TRMT11: variants seen among roughly 807,000 people sequenced by gnomAD.
TRMT11 encodes tRNA methyltransferase 11.
TRMT11 carries 53 observed loss-of-function variants against 62.8 expected under a neutral mutation model. The ratio of observed to expected loss-of-function variants is 0.84; its 90% CI spans 0.68 to 1.06. The LOEUF (loss-of-function observed/expected upper bound fraction) is 1.06, where lower values mean the gene tolerates loss of function less well. TRMT11 is among the 50% of genes least tolerant of loss of function. The pLI is 0.00. For missense variants in TRMT11, 556 were observed against 553.4 expected (o/e 1.00, Z -0.05); for synonymous variants, 188 against 190.3 (o/e 0.99, Z 0.10).
chr6:126,162,988 A>G (rs112625664), intron 21 of TRMT11, among the ~76,000 whole-genome samples: 7,615 of 152,256 alleles, frequency 0.05, 644 homozygotes, highest in African/African-American at 0.17. Flanking sequence ...TGAATATACA[A>G]TCATGTTATC....
At chr6:126,102,958 A>G (rs1353709663) in intron 17 of TRMT11, among the ~76,000 whole-genome samples, 1 of 152,190 alleles carries the variant, frequency 6.6e-6, no homozygotes, top group African/African-American at 2.4e-5. Flanking sequence ...GTCTTATATA[A>G]TTGTTCATCC....
the TRMT11 span, among the ~76,000 whole-genome samples, chr6:126,219,054 G>C: frequency 6.6e-6 from 1 of 152,162 alleles, no homozygotes; most frequent in South Asian, 2.1e-4. Context: ...GATTCTCCGT[G>C]CCATGTGGCC....
intron 21 of TRMT11, among the ~76,000 whole-genome samples, chr6:126,124,075 A>G (rs1196483579): frequency 1.3e-5 from 2 of 151,808 alleles, no homozygotes; most frequent in African/African-American, 4.8e-5. Context: ...ATTGTGGCTC[A>G]TGCATTTTTT....
the TRMT11 span, among the ~76,000 whole-genome samples, chr6:126,269,781 A>G: frequency 7.9e-5 from 12 of 152,222 alleles, no homozygotes; most frequent in Non-Finnish European, 1.3e-4. Context: ...TTTTAAGAGA[A>G]AAAACCAAAG....
intron 1 of TRMT11, chr6:125,987,183 A>AT (rs1789790253): frequency 6.6e-6 from 1 of 152,546 alleles, no homozygotes; most frequent in South Asian, 2.1e-4. Context: ...TAGGCGTAGA[A>AT]TGACAAAAGA....
intron 17 of TRMT11, among the ~76,000 whole-genome samples, chr6:126,084,010 G>T (rs1777187730): frequency 6.6e-6 from 1 of 152,158 alleles, no homozygotes; most frequent in African/African-American, 2.4e-5. Flanking sequence ...TACTTAGGTT[G>T]TTTCCATATC....
downstream of TRMT11, among the ~76,000 whole-genome samples, chr6:126,043,351 A>G (rs1302564352): frequency 4.0e-5 from 6 of 150,266 alleles, no homozygotes; most frequent in African/African-American, 9.8e-5. Flanking sequence ...ATGATTTCCA[A>G]TTTCATCCAT....
chr6:126,191,586 A>G (rs1778601258), intron 1 of TRMT11, among the ~76,000 whole-genome samples: 1 of 150,916 alleles, frequency 6.6e-6, no homozygotes, highest in African/African-American at 2.4e-5. Context: ...CAGGTCTTAC[A>G]TTTAAATCTT....
rs1383147182 is a variant in TRMT11 at position 125,986,575 on chromosome 6, A to G, written c.25A>G (p.Arg9Gly). 6 of 1,592,126 alleles carry G rather than the reference A, an allele frequency of 3.8e-6. No individual in the cohort carries two copies. The highest frequency in any genetic ancestry group is 1.3e-5 in the African/African-American group (1 of 74,844). Residue 9 changes from arginine (R) to glycine (G), a missense_variant, in exon 1 of 13, where the codon AGG becomes GGG. Transcript: ENST00000334379. MALSCTLN[R>G]YLLLMAQEHL... ...AATGGCGCTGTCGTGTACCCTTAAC[A>G]GGTATCTGCTCCTCATGGCGCAGGA...
the TRMT11 span, among the ~76,000 whole-genome samples, chr6:126,241,607 G>T: frequency 1.3e-5 from 2 of 152,128 alleles, no homozygotes; most frequent in Non-Finnish European, 2.9e-5. Flanking sequence ...TGATCAAGTG[G>T]GCTTCATCCC....
intron 17 of TRMT11, among the ~76,000 whole-genome samples, chr6:126,084,476 A>T (rs1777192941): frequency 6.6e-6 from 1 of 151,986 alleles, no homozygotes. Flanking sequence ...TAAATTTTGG[A>T]ATATTAACCC....
At chr6:126,134,256 T>C (rs1246664325) in intron 21 of TRMT11, among the ~76,000 whole-genome samples, 1 of 151,708 alleles carries the variant, frequency 6.6e-6, no homozygotes, top group Non-Finnish European at 1.5e-5. Context: ...TACAAGAAAG[T>C]CACTTCACCT....
the TRMT11 span, among the ~76,000 whole-genome samples, chr6:126,265,729 T>C: frequency 2.0e-5 from 3 of 152,306 alleles, no homozygotes; most frequent in South Asian, 6.2e-4. Flanking sequence ...AATTAACACA[T>C]GTACAATGAT....
At chr6:126,198,471 C>T (rs1778697054) in intron 1 of TRMT11, among the ~76,000 whole-genome samples, 1 of 152,106 alleles carries the variant, frequency 6.6e-6, no homozygotes, top group Admixed American at 6.6e-5. Flanking sequence ...TCAGATAAAT[C>T]TTCTGATGGA....
chr6:126,199,901 G>A (rs1291360924), intron 3 of TRMT11: 2 of 152,192 alleles, frequency 1.3e-5, no homozygotes, highest in African/African-American at 4.8e-5. Flanking sequence ...TTGGAACCAG[G>A]TAGTGATCTA....
chr6:126,143,044 C>A (rs1777936448), intron 21 of TRMT11, among the ~76,000 whole-genome samples: 1 of 152,060 alleles, frequency 6.6e-6, no homozygotes, highest in Admixed American at 6.6e-5. Flanking sequence ...GTTGTATACA[C>A]TGTATTTTAT....
At chr6:126,123,598 A>C (rs1158611377) in intron 21 of TRMT11, among the ~76,000 whole-genome samples, 1 of 152,062 alleles carries the variant, frequency 6.6e-6, no homozygotes, top group African/African-American at 2.4e-5. Flanking sequence ...CTCTGTTTTC[A>C]GATGTAATTC....
chr6:126,046,666 C>G (rs1776069845), intron 16 of TRMT11, among the ~76,000 whole-genome samples: 1 of 152,106 alleles, frequency 6.6e-6, no homozygotes. Flanking sequence ...GTGCCCAGTT[C>G]ACCATCTTAC....
At chr6:125,996,130 G>A (rs946674736) in intron 3 of TRMT11, 90 bp downstream of exon 3, 9 of 871,960 alleles carry the variant, frequency 1.0e-5, no homozygotes, top group East Asian at 2.7e-5. Flanking sequence ...GCAGTGTGAA[G>A]GCTCAGTTTA....
Sources: allele counts gnomAD v4.1 joint callset (sites outside exome capture counted in the v4.1 genomes callset), GRCh38; gene constraint gnomAD v4.1.1; transcripts MANE v1.5; gene names NCBI Gene and HGNC (gene_info 2026-07-23, HGNC 2026-07-21).